The following SPHK1 variants were observed in gnomAD, a reference collection of about 807,000 sequenced individuals.
SPHK1 encodes the protein sphingosine kinase 1.
In SPHK1, 10 loss-of-function variants were observed where a neutral mutation model predicts 14.6. The ratio of observed to expected loss-of-function variants is 0.68; its 90% CI spans 0.42 to 1.16. The LOEUF (loss-of-function observed/expected upper bound fraction) is 1.16. SPHK1 is among the 50% of genes most tolerant of loss of function. The pLI is 0.00. For synonymous variants in SPHK1, 274 were observed against 224.0 expected (o/e 1.22, Z -1.99); for missense variants, 553 against 525.4 (o/e 1.05, Z -0.51).
chr17:76,386,375 C>A lies in SPHK1; in HGVS notation c.259-18C>A. The A allele has an allele frequency of 1.2e-6, 2 of 1,608,318 alleles. No individual in the cohort carries two copies. The highest frequency in any genetic ancestry group is 1.7e-6 in the Non-Finnish European group (2 of 1,176,974). On this transcript the variant is annotated intron_variant, in intron 4 of 5. Coordinates refer to ENST00000592299, the MANE Select transcript of SPHK1 (RefSeq NM_001142601.2). The surrounding 1 kb of genome is among the most constrained non-coding windows in gnomAD (Gnocchi z 5.3). ...TGGCGCGGTGCGTCCCAGGCTGAGG[C>A]CACGTGTGCTTCAACAGGTGGTGAA...
rs199677032 is a variant in SPHK1, at chr17:76,385,625, G to C, written c.-20G>C. The C allele has an allele frequency of 6.1e-4, 938 of 1,538,450 alleles. 6 individuals are homozygous for C. In the African/African-American group the frequency reaches 0.011, roughly 18 times the overall value. ...ACAGCGCCAGGGACCCCCTGGCAGC[G>C]GGAGCCGCGGGTCGAGGTTATGGAT... is the stretch of plus-strand genomic sequence containing the variant. On this transcript the variant is annotated 5_prime_UTR_variant, in exon 2 of 6. Coordinates refer to ENST00000592299, the MANE Select transcript of SPHK1 (RefSeq NM_001142601.2). This position sits in a 1 kb window ranked among gnomAD's most constrained non-coding sequence, Gnocchi z 5.3.
chr17:76,384,627 C>G lies in SPHK1; in HGVS notation c.-374C>G, dbSNP rs1249800089. On this transcript the variant is annotated 5_prime_UTR_variant, in exon 1 of 6. Coordinates refer to ENST00000592299, the MANE Select transcript of SPHK1 (RefSeq NM_001142601.2). The stretch of plus-strand genomic sequence containing the variant: ...GAGGCTCAGTGCCCTCCCCGCTCCG[C>G]GGCGCCGGCTGCGAAGTTGAGCGAA... The G allele has an allele frequency of 6.6e-6, 1 of 152,330 alleles. No individual in the cohort carries two copies. The highest frequency in any genetic ancestry group is 1.5e-5 in the Non-Finnish European group (1 of 68,186). 9.4% of individuals were successfully genotyped at this position (152,330 alleles called of 1,614,324 possible). A position where few individuals can be genotyped will look rare whatever the true frequency, so the allele number is the denominator to read the frequency against.
upstream of SPHK1, chr17:76,383,705 G>T: frequency 1.7e-6 from 1 of 585,114 alleles, no homozygotes; most frequent in Non-Finnish European, 2.7e-6. Flanking sequence ...TCGCGGACAC[G>T]TTCTGTGGCT....
Position 76,387,476 on chromosome 17 carries a change from G to A in SPHK1, c.1045G>A (p.Ala349Thr). Residue 349 changes from alanine (A) to threonine (T), a missense_variant, in exon 6 of 6, where the codon GCC (alanine) becomes ACC (threonine). Physicochemically the swap from Ala to Thr is moderately conservative, Grantham distance 58. Coordinates refer to ENST00000592299, the MANE Select transcript of SPHK1 (RefSeq NM_001142601.2). The surrounding 1 kb of genome is among the most constrained non-coding windows in gnomAD (Gnocchi z 4.1). ...AVDGELMVSE[A>T]VQGQVHPNYF... Reference sequence around the variant, plus strand: ...GGATGGGGAATTGATGGTTAGCGAGGCCGTGCAGGGCCAGGTGCACCCAAA... The same window carrying A: ...GGATGGGGAATTGATGGTTAGCGAGACCGTGCAGGGCCAGGTGCACCCAAA... 1.2e-6 allele frequency: 2 copies of A among 1,613,526 alleles called. No individual in the cohort carries two copies. Among genetic ancestry groups the A allele is most frequent in the South Asian group, 2.2e-5 (2 of 91,086 alleles).
Position 76,386,151 on chromosome 17 carries a change from G to A in SPHK1, c.163+14G>A, listed in dbSNP as rs767421034. 1.9e-6 allele frequency: 3 copies of A among 1,591,166 alleles called. No individual in the cohort carries two copies. The highest frequency in any genetic ancestry group is 2.6e-6 in the Non-Finnish European group (3 of 1,169,558). On this transcript the variant is annotated intron_variant, in intron 3 of 5. Transcript: ENST00000592299. This position sits in a 1 kb window ranked among gnomAD's most constrained non-coding sequence, Gnocchi z 5.3. ...TGATGCTCACTGGTGAGTACCTCTC[G>A]GAGGGGGTTTCGGGAGCATCCCCTG... is the stretch of plus-strand genomic sequence containing the variant.
rs1451991584 is a variant in SPHK1 at position 76,385,585 on chromosome 17, A to C, written c.-60A>C. ...GGAGCTGAAGGCAGGAGCCGCCGCC[A>C]CGGGCAGCGCCCCCACAGCGCCAGG... is the stretch of plus-strand genomic sequence containing the variant. On this transcript the variant is annotated 5_prime_UTR_variant, in exon 2 of 6. Coordinates refer to ENST00000592299, the MANE Select transcript of SPHK1 (RefSeq NM_001142601.2). The surrounding 1 kb of genome is among the most constrained non-coding windows in gnomAD (Gnocchi z 5.3). 1.3e-6 allele frequency: 2 copies of C among 1,539,518 alleles called. No homozygotes were observed.
rs896156157 is a variant in SPHK1, at chr17:76,385,200, G to C, written c.-194-251G>C. 3 of 1,566,526 alleles carry C rather than the reference G, an allele frequency of 1.9e-6. No homozygotes were observed. The highest frequency in any genetic ancestry group is 1.3e-5 in the African/African-American group (1 of 74,116). ...GAGCTAGTCCGTCGGAGGGAGCCAC[G>C]GGGCTCTGACTCATCCGTCGGGCCG... is the stretch of plus-strand genomic sequence containing the variant. On this transcript the variant is annotated intron_variant, in intron 1 of 5. Transcript: ENST00000592299. The surrounding 1 kb of genome is among the most constrained non-coding windows in gnomAD (Gnocchi z 5.3).
chr17:76,383,564 C>T (rs746959008), upstream of SPHK1: 101 of 255,984 alleles, frequency 3.9e-4, no homozygotes, highest in Admixed American at 1.6e-3. Flanking sequence ...CGGGGGCGCG[C>T]GAGCCCCGCA....
chr17:76,386,631 G>A lies in SPHK1; in HGVS notation c.374+123G>A. On this transcript the variant is annotated intron_variant, in intron 5 of 5. Transcript: ENST00000592299. This position sits in a 1 kb window ranked among gnomAD's most constrained non-coding sequence, Gnocchi z 5.3. ...TTTCCCCTTCTCCCTTAGTCCTGGG[G>A]CCCTCTCCTGGTGACCCCAGCTGAC... 1 of 1,189,504 alleles carries A rather than the reference G, an allele frequency of 8.4e-7. No individual in the cohort carries two copies. Among genetic ancestry groups the A allele is most frequent in the South Asian group, 1.5e-5 (1 of 66,618 alleles). 73.7% of individuals were successfully genotyped at this position (1,189,504 alleles called of 1,614,324 possible).
In SPHK1 at chr17:76,385,771, C is replaced by T. The variant is rs1434349081; in HGVS notation, c.10+117C>T. ...GACGATCGGGAGAAACATTATCCCT[C>T]ACGAGGCCAGAAGCCGGCCGAATCT... On this transcript the variant is annotated intron_variant, in intron 2 of 5. Coordinates refer to ENST00000592299, the MANE Select transcript of SPHK1 (RefSeq NM_001142601.2). The surrounding 1 kb of genome is among the most constrained non-coding windows in gnomAD (Gnocchi z 5.3). 4.9e-6 allele frequency: 7 copies of T among 1,421,080 alleles called. No homozygotes were observed. The highest frequency in any genetic ancestry group is 2.5e-5 in the South Asian group (2 of 80,678). The allele number at this position is 1,421,080 out of a possible 1,614,324, so 88.0% of individuals were successfully genotyped here.
Position 76,387,257 on chromosome 17 carries a change from C to T in SPHK1, c.826C>T (p.Pro276Ser). The change falls in exon 6 of 6, where the codon CCC becomes TCC. Residue 276 changes from proline to serine, a missense_variant. Pro to Ser is a moderately conservative substitution (Grantham distance 74). Transcript: ENST00000592299. The surrounding 1 kb of genome is among the most constrained non-coding windows in gnomAD (Gnocchi z 4.1). ...SHLGSEMFAA[P>S]MGRCAAGVMH... is the part of the protein sequence containing the mutation. ...CCTGGGCAGTGAGATGTTTGCTGCA[C>T]CCATGGGCCGCTGTGCAGCTGGCGT... 6.2e-7 allele frequency: 1 copy of T among 1,613,414 alleles called. No homozygotes were observed. Among genetic ancestry groups the T allele is most frequent in the South Asian group, 1.1e-5 (1 of 91,062 alleles).
Position 76,386,345 on chromosome 17 carries a change from G to A in SPHK1, c.258+30G>A. 2 of 1,606,082 alleles carry A rather than the reference G, an allele frequency of 1.2e-6. No homozygotes were observed. The highest frequency in any genetic ancestry group is 1.7e-6 in the Non-Finnish European group (2 of 1,176,536). On this transcript the variant is annotated intron_variant, in intron 4 of 5. Coordinates refer to ENST00000592299, the MANE Select transcript of SPHK1 (RefSeq NM_001142601.2). This position sits in a 1 kb window ranked among gnomAD's most constrained non-coding sequence, Gnocchi z 5.3. ...GGACCGCACTGCGCGGCTAGGCCTG[G>A]GGCTTGGCGCGGTGCGTCCCAGGCT...
In SPHK1 at chr17:76,386,917, C is replaced by T. The variant is rs146203616; in HGVS notation, c.486C>T (p.Arg162=). Residue 162 remains arginine (R), a synonymous_variant, in exon 6 of 6, where the codon CGC becomes CGT. Transcript: ENST00000592299. This position sits in a 1 kb window ranked among gnomAD's most constrained non-coding sequence, Gnocchi z 5.3. ...LLSLHTASGL[R]LFSVLSLAWG... is the part of the protein sequence containing the mutation. ...CTCTGCACACGGCTTCGGGGCTGCG[C>T]CTCTTCTCTGTGCTCAGCCTGGCCT... 3.1e-6 allele frequency: 5 copies of T among 1,613,056 alleles called. No individual in the cohort carries two copies. The highest frequency in any genetic ancestry group is 1.1e-5 in the South Asian group (1 of 91,042).
rs1486674399 is a variant in SPHK1 at position 76,387,135 on chromosome 17, A to T, written c.704A>T (p.Asp235Val). Residue 235 changes from aspartate (D) to valine (V), a missense_variant, in exon 6 of 6, where the codon GAT becomes GTT. By Grantham distance (152) the Asp-to-Val change is radical. Coordinates refer to ENST00000592299, the MANE Select transcript of SPHK1 (RefSeq NM_001142601.2). This position sits in a 1 kb window ranked among gnomAD's most constrained non-coding sequence, Gnocchi z 4.1. The stretch of plus-strand genomic sequence containing the variant: ...GTTGTGGTCCAGCAGGGCCCGGTAG[A>T]TGCACACCTTGTGCCACTGGAGGAG... ...SPVVVQQGPV[D>V]AHLVPLEEPV... 5.0e-6 allele frequency: 8 copies of T among 1,613,180 alleles called. No homozygotes were observed. Among genetic ancestry groups the T allele is most frequent in the Non-Finnish European group, 6.8e-6 (8 of 1,180,014 alleles).
chr17:76,386,710 C>A lies in SPHK1; in HGVS notation c.375-96C>A. The A allele has an allele frequency of 1.4e-6, 2 of 1,400,168 alleles. No homozygotes were observed. Among genetic ancestry groups the A allele is most frequent in the South Asian group, 1.4e-5 (1 of 72,156 alleles). 86.7% of individuals were successfully genotyped at this position (1,400,168 alleles called of 1,614,324 possible). A position where few individuals can be genotyped will look rare whatever the true frequency, so the allele number is the denominator to read the frequency against. On this transcript the variant is annotated intron_variant, in intron 5 of 5. Transcript: ENST00000592299. The surrounding 1 kb of genome is among the most constrained non-coding windows in gnomAD (Gnocchi z 5.3). Reference sequence around the variant, plus strand: ...CCAGTCCTGCCAACTCCCCAGGGACCACATGGCGCTTTGCCAGCTCCCACT... The same window carrying A: ...CCAGTCCTGCCAACTCCCCAGGGACAACATGGCGCTTTGCCAGCTCCCACT...
At chr17:76,383,893 C>T (rs745789838), upstream of SPHK1, 20 of 1,256,656 alleles carry the variant, frequency 1.6e-5, no homozygotes, top group South Asian at 3.9e-5. Flanking sequence ...GGCCCATCTA[C>T]ACTGTCAAGC....
At position 76,385,833 on chromosome 17, in the gene SPHK1, C is replaced by T. The variant is rs1220691223; in HGVS notation, c.11-152C>T. On this transcript the variant is annotated intron_variant, in intron 2 of 5. Transcript: ENST00000592299. This position sits in a 1 kb window ranked among gnomAD's most constrained non-coding sequence, Gnocchi z 5.3. ...GGGGGTGGCAGGGGCGCCGCGTCCC[C>T]ACCCCAGGTCTCCCAGCAAAGGCCG... 2.1e-6 allele frequency: 3 copies of T among 1,458,638 alleles called. No homozygotes were observed. In the African/African-American group the frequency reaches 4.2e-5, roughly 21 times the overall value. 90.4% of individuals were successfully genotyped at this position (1,458,638 alleles called of 1,614,324 possible).
chr17:76,385,481 C>A lies in SPHK1; in HGVS notation c.-164C>A, dbSNP rs201987985. The A allele has an allele frequency of 2.1e-3, 3,319 of 1,560,368 alleles. 4 individuals are homozygous for A. Among genetic ancestry groups the A allele is most frequent in the Non-Finnish European group, 2.7e-3 (3,107 of 1,161,058 alleles). On this transcript the variant is annotated 5_prime_UTR_variant, in exon 2 of 6. Coordinates refer to ENST00000592299, the MANE Select transcript of SPHK1 (RefSeq NM_001142601.2). The surrounding 1 kb of genome is among the most constrained non-coding windows in gnomAD (Gnocchi z 5.3). Reference sequence around the variant, plus strand: ...GCCGCCGCAGGGAATGACGCCGGTGCTCCTGCAGCCACGGCTCCGGGCGGG... The same window carrying A: ...GCCGCCGCAGGGAATGACGCCGGTGATCCTGCAGCCACGGCTCCGGGCGGG...
At position 76,385,982 on chromosome 17, in the gene SPHK1, C is replaced by T. The variant is rs1407004007; in HGVS notation, c.11-3C>T. The T allele has an allele frequency of 1.9e-6, 3 of 1,594,194 alleles. No homozygotes were observed. Among genetic ancestry groups the T allele is most frequent in the Admixed American group, 1.8e-5 (1 of 57,022 alleles). ...CGTGGCCTCTTTGGTTTTGTTTTCT[C>T]AGCGGGCGGCCCCCGGGGCGTGCTC... On this transcript the variant is annotated splice_region_variant and splice_polypyrimidine_tract_variant and intron_variant, in intron 2 of 5. Coordinates refer to ENST00000592299, the MANE Select transcript of SPHK1 (RefSeq NM_001142601.2). The surrounding 1 kb of genome is among the most constrained non-coding windows in gnomAD (Gnocchi z 5.3).
Sources: gnomAD v4.1 joint callset for allele counts on GRCh38, gnomAD v4.1.1 for gene constraint, Gnocchi (gnomAD v3.1) non-coding constraint, MANE v1.5 for transcripts, NCBI Gene and HGNC (gene_info 2026-07-23, HGNC 2026-07-21) for gene names.